Variants in FAM200B observed in about 807,000 individuals in gnomAD.
FAM200B encodes the protein zinc finger BED-type containing 11.
FAM200B carries 32 observed loss-of-function variants against 33.1 expected under a neutral mutation model. That is an observed-to-expected ratio of 0.97 (90% confidence interval 0.73 to 1.30). The LOEUF (loss-of-function observed/expected upper bound fraction) is 1.30, where lower values mean the gene tolerates loss of function less well. FAM200B is among the 50% of genes most tolerant of loss of function. FAM200B has a pLI of 0.00. For synonymous variants in FAM200B, 240 were observed against 264.8 expected, an observed-to-expected ratio of 0.91 and a Z score of 0.91; for missense variants, 741 against 754.0, an observed-to-expected ratio of 0.98 and a Z score of 0.20.
chr4:15,689,961 A>G lies in FAM200B; in HGVS notation c.*1010A>G, dbSNP rs1039924974. The G allele has an allele frequency of 9.0e-5, 15 of 166,984 alleles. No homozygotes were observed. Among genetic ancestry groups the G allele is most frequent in the Non-Finnish European group, 1.3e-4 (9 of 68,106 alleles). 10.3% of individuals were successfully genotyped at this position (166,984 alleles called of 1,614,324 possible). A position where few individuals can be genotyped will look rare whatever the true frequency, so the allele number is the denominator to read the frequency against. Reference sequence around the variant, plus strand: ...ATTATCTGATTACTGTTATTCTTCCATAGTAGGGGAGGTGATATCCATTTG... The same window carrying G: ...ATTATCTGATTACTGTTATTCTTCCGTAGTAGGGGAGGTGATATCCATTTG... On this transcript the variant is annotated 3_prime_UTR_variant, in exon 2 of 2. Coordinates refer to ENST00000422728, the MANE Select transcript of FAM200B (RefSeq NM_001145191.2).
At chr4:15,682,316 C>T (rs1483169980) in intron 1 of FAM200B, among the ~76,000 whole-genome samples, 1 of 152,166 alleles carries the variant, frequency 6.6e-6, no homozygotes, top group African/African-American at 2.4e-5. Context: ...ATTTCCAGTG[C>T]CTTCAGGAAG....
upstream of FAM200B, among the ~76,000 whole-genome samples, chr4:15,677,573 A>G (rs2148828762): frequency 6.6e-6 from 1 of 152,312 alleles, no homozygotes; most frequent in African/African-American, 2.4e-5. Context: ...ACTAGTGATT[A>G]ATGATTAATG....
intron 1 of FAM200B, among the ~76,000 whole-genome samples, chr4:15,684,329 A>C (rs866846179): frequency 2.6e-5 from 4 of 152,244 alleles, no homozygotes; most frequent in Non-Finnish European, 5.9e-5. Flanking sequence ...CCAGAACCTC[A>C]GGTTTGAACT....
the FAM200B span, among the ~76,000 whole-genome samples, chr4:15,668,472 T>G: frequency 1.7e-4 from 26 of 151,160 alleles, no homozygotes; most frequent in Middle Eastern, 6.8e-3. Flanking sequence ...TTTTTTTTTG[T>G]ACTTGGTTTT....
the FAM200B span, among the ~76,000 whole-genome samples, chr4:15,644,292 G>C: frequency 1.3e-5 from 2 of 152,056 alleles, no homozygotes; most frequent in Non-Finnish European, 2.9e-5. Context: ...ATTCACCGTC[G>C]GGACTGATCT....
At chr4:15,646,207 AT>A in the FAM200B span, among the ~76,000 whole-genome samples, 1 of 152,230 alleles carries the variant, frequency 6.6e-6, no homozygotes, top group South Asian at 2.1e-4. Flanking sequence ...ATAAAACTTT[AT>A]AAACACTGAA....
At chr4:15,660,516 A>T in the FAM200B span, among the ~76,000 whole-genome samples, 1 of 152,192 alleles carries the variant, frequency 6.6e-6, no homozygotes, top group Non-Finnish European at 1.5e-5. Flanking sequence ...GTGTTCACTG[A>T]CCAATAGCCT....
chr4:15,644,437 A>T, the FAM200B span: 1 of 1,415,716 alleles, frequency 7.1e-7, no homozygotes, highest in Non-Finnish European at 9.9e-7. Context: ...TTTGCCAATG[A>T]TATACCAGAA....
chr4:15,644,604 T>A, the FAM200B span: 1 of 1,614,112 alleles, frequency 6.2e-7, no homozygotes, highest in East Asian at 2.2e-5. Flanking sequence ...CAATAATGTA[T>A]TCATTTTCAA....
the FAM200B span, among the ~76,000 whole-genome samples, chr4:15,659,270 T>G: frequency 6.6e-6 from 1 of 152,222 alleles, no homozygotes; most frequent in South Asian, 2.1e-4. Flanking sequence ...AATGAGAATT[T>G]GAAAAGTTTT....
chr4:15,665,953 C>T, the FAM200B span, among the ~76,000 whole-genome samples: 1 of 152,020 alleles, frequency 6.6e-6, no homozygotes, highest in East Asian at 1.9e-4. Context: ...CAAGAGGAAG[C>T]TGAATCACTT....
At position 15,688,410 on chromosome 4, in the gene FAM200B, G is replaced by A. The variant is rs769781210; in HGVS notation, c.1433G>A (p.Arg478His). The A allele has an allele frequency of 6.5e-6, 10 of 1,547,934 alleles. No individual in the cohort carries two copies. The highest frequency in any genetic ancestry group is 2.4e-5 in the East Asian group (1 of 40,848). Residue 478 changes from arginine to histidine, a missense_variant, in exon 2 of 2, where the codon CGT (arginine) becomes CAT (histidine). Arg to His is a conservative substitution (Grantham distance 29, BLOSUM62 0). Coordinates refer to ENST00000422728, the MANE Select transcript of FAM200B (RefSeq NM_001145191.2). ...LLWQVRLKSN[R>H]PSYYMFPRFL... ...TGGCAAGTAAGACTTAAAAGTAATC[G>A]TCCTAGCTATTACATGTTTCCAAGA...
At chr4:15,658,285 T>C in the FAM200B span, among the ~76,000 whole-genome samples, 1 of 152,196 alleles carries the variant, frequency 6.6e-6, no homozygotes, top group African/African-American at 2.4e-5. Flanking sequence ...AGTACCAGAG[T>C]TGATCCTTAC....
chr4:15,646,141 G>A, the FAM200B span, among the ~76,000 whole-genome samples: 1 of 152,200 alleles, frequency 6.6e-6, no homozygotes, highest in Admixed American at 6.5e-5. Context: ...CTCAGCAGTT[G>A]TAGCACAAAA....
At chr4:15,656,587 A>T in the FAM200B span, among the ~76,000 whole-genome samples, 1 of 152,326 alleles carries the variant, frequency 6.6e-6, no homozygotes, top group East Asian at 1.9e-4. Context: ...TTCTAATCTT[A>T]TATTACTATA....
chr4:15,665,759 C>T, the FAM200B span, among the ~76,000 whole-genome samples: 1 of 152,196 alleles, frequency 6.6e-6, no homozygotes, highest in Admixed American at 6.5e-5. Flanking sequence ...GGCCCCCAGT[C>T]CAAAATTCTT....
the FAM200B span, among the ~76,000 whole-genome samples, chr4:15,643,085 A>G: frequency 2.6e-5 from 4 of 152,202 alleles, no homozygotes; most frequent in Non-Finnish European, 5.9e-5. Flanking sequence ...ACAAAATTCA[A>G]AGAATACGAA....
At chr4:15,682,639 T>C (rs1241961544) in intron 1 of FAM200B, among the ~76,000 whole-genome samples, 2 of 152,230 alleles carry the variant, frequency 1.3e-5, no homozygotes. Context: ...TGAACAGATA[T>C]TCTGTTATTT....
the FAM200B span, chr4:15,655,496 C>G: frequency 3.6e-6 from 2 of 555,814 alleles, no homozygotes; most frequent in Non-Finnish European, 2.3e-6. Flanking sequence ...CGCGCAGAGG[C>G]TCGCGGCTTC....
Sources: gnomAD v4.1 joint callset for allele counts (sites outside exome capture counted in the v4.1 genomes callset) on GRCh38, gnomAD v4.1.1 for gene constraint, MANE v1.5 for transcripts, NCBI Gene and HGNC (gene_info 2026-07-23, HGNC 2026-07-21) for gene names.